PRELID2: variants seen among roughly 807,000 people sequenced by gnomAD.
PRELID2 encodes PRELI domain-containing protein 2.
Under a neutral mutation model 28.4 loss-of-function variants are expected in PRELID2, and 25 were observed. That is an observed-to-expected ratio of 0.88 (90% confidence interval 0.64 to 1.23). The LOEUF (loss-of-function observed/expected upper bound fraction) is 1.23. Among genes scored for constraint, PRELID2 ranks in the 50% most tolerant of loss-of-function variants. The pLI is 0.00. For missense variants in PRELID2, 201 were observed against 214.4 expected (o/e 0.94, Z 0.39); for synonymous variants, 76 against 71.6 (o/e 1.06, Z -0.31).
intron 1 of PRELID2, among the ~76,000 whole-genome samples, chr5:145,633,804 G>A (rs574968167): frequency 6.6e-6 from 1 of 152,196 alleles, no homozygotes; most frequent in East Asian, 1.9e-4. Context: ...CACCTCTATA[G>A]GCAAATGTGG....
At chr5:145,232,068 C>T in the PRELID2 span, among the ~76,000 whole-genome samples, 8 of 152,032 alleles carry the variant, frequency 5.3e-5, no homozygotes, top group Non-Finnish European at 7.4e-5. Flanking sequence ...CACATTGAAA[C>T]TTTTAGGACA....
At chr5:145,811,803 C>G (rs1753961504) in intron 4 of PRELID2, among the ~76,000 whole-genome samples, 1 of 152,164 alleles carries the variant, frequency 6.6e-6, no homozygotes, top group African/African-American at 2.4e-5. Flanking sequence ...CCTTAGGAGG[C>G]CTGATCACTG....
intron 1 of PRELID2, among the ~76,000 whole-genome samples, chr5:145,560,373 A>G (rs928900310): frequency 6.6e-6 from 1 of 152,346 alleles, no homozygotes; most frequent in African/African-American, 2.4e-5. Flanking sequence ...TCACTTACCC[A>G]GCACATAGTA....
chr5:145,819,945 C>G lies in PRELID2; in HGVS notation c.207G>C (p.Lys69Asn), dbSNP rs1304458517. ...TGATTACATTTTAAAATGAACTTAC[C>G]TTCCTTAAAATTTCTGGAACCACGT... Reference protein sequence around the residue: ...CQNVVPEILRKVSILKVPNIQ... With the variant: ...CQNVVPEILRNVSILKVPNIQ... Residue 69 changes from lysine (K) to asparagine (N), a missense_variant and splice_region_variant, in exon 3 of 7, where the codon AAG becomes AAC. Coordinates refer to ENST00000683046, the MANE Select transcript of PRELID2 (RefSeq NM_205846.3). 1.3e-6 allele frequency: 2 copies of G among 1,572,630 alleles called. No homozygotes were observed. The highest frequency in any genetic ancestry group is 1.7e-6 in the Non-Finnish European group (2 of 1,145,100).
the PRELID2 span, among the ~76,000 whole-genome samples, chr5:145,356,284 A>G: frequency 6.6e-6 from 1 of 152,188 alleles, no homozygotes; most frequent in Non-Finnish European, 1.5e-5. Flanking sequence ...CAAAATGAGC[A>G]ATGATGTGTG....
chr5:145,830,900 T>A (rs985395869), intron 1 of PRELID2, among the ~76,000 whole-genome samples: 14 of 152,304 alleles, frequency 9.2e-5, no homozygotes, highest in Non-Finnish European at 1.9e-4. Context: ...AGGCAACTCC[T>A]AACAAACCAA....
the PRELID2 span, among the ~76,000 whole-genome samples, chr5:145,459,813 AT>A: frequency 0.023 from 3,203 of 141,792 alleles, 54 homozygotes; most frequent in African/African-American, 0.066. Context: ...TTACAATTTA[AT>A]TTTTTTTTTT....
At chr5:145,546,507 C>T (rs989514452) in intron 1 of PRELID2, among the ~76,000 whole-genome samples, 3 of 152,018 alleles carry the variant, frequency 2.0e-5, no homozygotes, top group Non-Finnish European at 2.9e-5. Context: ...AATTCATGAA[C>T]CTGAAGTAAA....
At chr5:145,761,588 C>G (rs566139512) in intron 6 of PRELID2, among the ~76,000 whole-genome samples, 27 of 152,174 alleles carry the variant, frequency 1.8e-4, no homozygotes, top group Non-Finnish European at 4.4e-5. Flanking sequence ...GACACTCAAT[C>G]AGTAGGCAAA....
chr5:145,649,101 A>G (rs1460425553), intron 1 of PRELID2, among the ~76,000 whole-genome samples: 1 of 152,204 alleles, frequency 6.6e-6, no homozygotes, highest in Admixed American at 6.5e-5. Context: ...AAGCAATAAA[A>G]GAGAAGGCAA....
chr5:145,756,502 T>A lies in PRELID2; in HGVS notation c.*4034A>T, dbSNP rs112162840. Among the ~76,000 whole-genome samples the A allele has an allele frequency of 5.6e-3, 849 of 152,306 alleles. 6 individuals are homozygous for A. The highest frequency in any genetic ancestry group is 0.02 in the African/African-American group (816 of 41,568). On this transcript the variant is annotated 3_prime_UTR_variant, in exon 7 of 7. Coordinates refer to ENST00000683046, the MANE Select transcript of PRELID2 (RefSeq NM_205846.3). ...TTTTTGAGTTTTAATCCTCTTAAGT[T>A]TCACATTATAGAACTGAATACACAA...
the PRELID2 span, among the ~76,000 whole-genome samples, chr5:145,357,203 T>A: frequency 9.2e-5 from 14 of 152,266 alleles, no homozygotes; most frequent in Non-Finnish European, 1.9e-4. Context: ...AAGAATCTGA[T>A]AATGATGTGT....
intron 3 of PRELID2, among the ~76,000 whole-genome samples, chr5:145,818,325 C>A (rs991796034): frequency 3.9e-5 from 6 of 152,192 alleles, no homozygotes; most frequent in African/African-American, 1.2e-4. Context: ...AGCAAATTAT[C>A]AGCCTCCTTC....
chr5:145,802,760 G>A (rs372400539), intron 4 of PRELID2, among the ~76,000 whole-genome samples: 1 of 152,200 alleles, frequency 6.6e-6, no homozygotes, highest in Non-Finnish European at 1.5e-5. Flanking sequence ...AACTGTGACA[G>A]AGAAAGCACA....
chr5:145,835,135 C>T, intron 1 of PRELID2, 42 bp downstream of exon 1: 3 of 1,407,294 alleles, frequency 2.1e-6, no homozygotes, highest in African/African-American at 1.4e-5. Context: ...GGGCAAGCAG[C>T]GGAGGCAGCG....
At chr5:145,455,886 C>G in the PRELID2 span, among the ~76,000 whole-genome samples, 1 of 152,196 alleles carries the variant, frequency 6.6e-6, no homozygotes, top group Non-Finnish European at 1.5e-5. Flanking sequence ...CTAACCAGTC[C>G]CAGTGAGATA....
chr5:145,565,068 G>A (rs1752954296), intron 1 of PRELID2, among the ~76,000 whole-genome samples: 1 of 152,214 alleles, frequency 6.6e-6, no homozygotes, highest in Admixed American at 6.5e-5. Flanking sequence ...TGATCTTGCT[G>A]GGAGCTGCAG....
intron 1 of PRELID2, among the ~76,000 whole-genome samples, chr5:145,538,578 T>G (rs1752721186): frequency 6.6e-6 from 1 of 151,972 alleles, no homozygotes; most frequent in African/African-American, 2.4e-5. Flanking sequence ...CTTTAAGCAT[T>G]CTGCTACTAA....
intron 1 of PRELID2, among the ~76,000 whole-genome samples, chr5:145,640,832 C>G (rs1754095504): frequency 6.6e-6 from 1 of 151,942 alleles, no homozygotes; most frequent in African/African-American, 2.4e-5. Context: ...AAACAATCAA[C>G]AGAACAGAAC....
Sources: gnomAD v4.1 joint callset for allele counts (sites outside exome capture counted in the v4.1 genomes callset) on GRCh38, gnomAD v4.1.1 for gene constraint, MANE v1.5 for transcripts, NCBI Gene and HGNC (gene_info 2026-07-23, HGNC 2026-07-21) for gene names.